Variants in BANK1 observed in about 807,000 individuals in gnomAD.
The protein encoded by BANK1 is B-cell scaffold protein with ankyrin repeats.
A neutral mutation model predicts 94.5 loss-of-function variants in BANK1; 95 were observed. The observed-to-expected ratio is 1.00, with a 90% confidence interval of 0.85 to 1.19. The LOEUF (loss-of-function observed/expected upper bound fraction) is 1.19, where lower values mean the gene tolerates loss of function less well. Ranked by LOEUF, BANK1 falls within the 50% of genes most tolerant of loss-of-function variation. BANK1 has a pLI of 0.00. For missense variants in BANK1, 987 were observed against 932.2 expected (o/e 1.06, Z -0.77); for synonymous variants, 334 against 308.4 (o/e 1.08, Z -0.87).
rs144548959 is a variant in BANK1 at position 101,908,742 on chromosome 4, C to T, written c.1010-9251C>T. Among the ~76,000 whole-genome samples the T allele has an allele frequency of 7.7e-3, 1,174 of 152,166 alleles. 12 individuals are homozygous for T. Among genetic ancestry groups the T allele is most frequent in the African/African-American group, 0.023 (936 of 41,492 alleles). On this transcript the variant is annotated intron_variant, in intron 6 of 16. Coordinates refer to ENST00000322953, the MANE Select transcript of BANK1 (RefSeq NM_017935.5). Reference sequence around the variant, plus strand: ...ACAAACAACCCCATCAAAAAGTGGGCGAAGGATATGAACAGATACTTCTCA... The same window carrying T: ...ACAAACAACCCCATCAAAAAGTGGGTGAAGGATATGAACAGATACTTCTCA...
At chr4:101,798,023 G>T (rs1414270815) in intron 1 of BANK1, among the ~76,000 whole-genome samples, 1 of 152,132 alleles carries the variant, frequency 6.6e-6, no homozygotes, top group East Asian at 1.9e-4. Context: ...GGAAAACGAA[G>T]ATACAGTGAG....
intron 5 of BANK1, among the ~76,000 whole-genome samples, chr4:101,884,506 C>T: frequency 6.6e-6 from 1 of 152,122 alleles, no homozygotes; most frequent in East Asian, 1.9e-4. Flanking sequence ...TTCTTAGACT[C>T]TCTTTATTCC....
intron 7 of BANK1, among the ~76,000 whole-genome samples, chr4:101,994,747 C>T (rs529017216): frequency 6.6e-5 from 10 of 152,206 alleles, no homozygotes; most frequent in South Asian, 4.2e-4. Context: ...CATGGTAGTA[C>T]ATTTCTTGTG....
At chr4:101,960,291 A>AT (rs2148918650) in intron 7 of BANK1, among the ~76,000 whole-genome samples, 1 of 152,260 alleles carries the variant, frequency 6.6e-6, no homozygotes, top group African/African-American at 2.4e-5. Context: ...TAAGGACCTT[A>AT]TTCTATACTC....
intron 11 of BANK1, among the ~76,000 whole-genome samples, chr4:102,045,807 G>A: frequency 6.6e-6 from 1 of 151,726 alleles, no homozygotes; most frequent in Admixed American, 6.6e-5. Context: ...ACAAACAAAT[G>A]GAAGAACATT....
intron 7 of BANK1, among the ~76,000 whole-genome samples, chr4:101,972,984 G>A (rs1427831249): frequency 6.6e-6 from 1 of 151,906 alleles, no homozygotes; most frequent in Non-Finnish European, 1.5e-5. Flanking sequence ...GATGTGGGTT[G>A]GGGAAAAGGG....
chr4:101,866,671 A>G (rs1365324430), intron 4 of BANK1, among the ~76,000 whole-genome samples: 1 of 49,568 alleles, frequency 2.0e-5, no homozygotes, highest in Non-Finnish European at 4.0e-5. Flanking sequence ...CTGGGTATAT[A>G]CCCAAAGGAC....
At chr4:102,019,897 T>C (rs1726832212) in intron 7 of BANK1, among the ~76,000 whole-genome samples, 1 of 152,168 alleles carries the variant, frequency 6.6e-6, no homozygotes, top group Non-Finnish European at 1.5e-5. Context: ...CAAATCAACC[T>C]AGACTTTTTT....
At chr4:101,977,353 G>C (rs1173567101) in intron 7 of BANK1, among the ~76,000 whole-genome samples, 2 of 152,178 alleles carry the variant, frequency 1.3e-5, no homozygotes, top group African/African-American at 4.8e-5. Context: ...GGAGGAGAGA[G>C]AAGTGTAGTC....
At chr4:102,003,320 C>A (rs1726139734) in intron 7 of BANK1, among the ~76,000 whole-genome samples, 1 of 152,150 alleles carries the variant, frequency 6.6e-6, no homozygotes, top group African/African-American at 2.4e-5. Flanking sequence ...GCAATTTGAG[C>A]AGGATTTAGC....
rs559346488 is a variant in BANK1, at chr4:101,796,237, G to GT, written c.70+5292dup. 2.6e-5 allele frequency among the ~76,000 whole-genome samples: 4 copies of GT among 152,108 alleles called. No homozygotes were observed. In the South Asian group the frequency reaches 8.3e-4, roughly 31 times the overall value. On this transcript the variant is annotated intron_variant, in intron 1 of 16. Coordinates refer to ENST00000322953, the MANE Select transcript of BANK1 (RefSeq NM_017935.5). Reference sequence around the variant, plus strand: ...TTCTAGTGACGGAGCAGCTGCACTTGTTTTTCTGATCTTATTTGCCCATGA... The same window carrying GT: ...TTCTAGTGACGGAGCAGCTGCACTTGTTTTTTCTGATCTTATTTGCCCATGA...
At chr4:102,018,652 A>C (rs1726792343) in intron 7 of BANK1, among the ~76,000 whole-genome samples, 1 of 152,206 alleles carries the variant, frequency 6.6e-6, no homozygotes, top group South Asian at 2.1e-4. Flanking sequence ...GAAATATTAC[A>C]TTAAGCATGT....
intron 7 of BANK1, among the ~76,000 whole-genome samples, chr4:101,984,336 A>G (rs554544386): frequency 6.6e-6 from 1 of 152,124 alleles, no homozygotes; most frequent in South Asian, 2.1e-4. Context: ...ATATGGTGGG[A>G]TTTTATGAAA....
rs369552940 is a variant in BANK1 at position 102,032,998 on chromosome 4, C to A, written c.1900+2733C>A. ...TTAGGAAGTAGGTAACCAGCTTTTT[C>A]ATTGGATGGCCCCAAAATATTATTT... is the stretch of plus-strand genomic sequence containing the variant. On this transcript the variant is annotated intron_variant, in intron 10 of 16. Transcript: ENST00000322953. Among the ~76,000 whole-genome samples the A allele has an allele frequency of 7.2e-5, 11 of 151,988 alleles. No homozygotes were observed. The East Asian group carries it at 9.6e-4, about 13-fold the overall frequency.
chr4:101,917,923 G>A, intron 6 of BANK1, 70 bp from the exon 7 acceptor site: 1 of 1,141,082 alleles, frequency 8.8e-7, no homozygotes, highest in Non-Finnish European at 1.3e-6. Context: ...GGAGCAGATT[G>A]TGTTAGACCT....
intron 5 of BANK1, among the ~76,000 whole-genome samples, chr4:101,883,361 A>G (rs1728743496): frequency 6.6e-6 from 1 of 152,206 alleles, no homozygotes; most frequent in Admixed American, 6.5e-5. Flanking sequence ...TTACTTAGCC[A>G]TTAATACAAC....
chr4:101,970,027 TA>T (rs1724900055), intron 7 of BANK1, among the ~76,000 whole-genome samples: 1 of 152,190 alleles, frequency 6.6e-6, no homozygotes, highest in African/African-American at 2.4e-5. Flanking sequence ...GCAAAGTCAG[TA>T]AGACAGTCTT....
intron 5 of BANK1, among the ~76,000 whole-genome samples, chr4:101,882,765 C>CA: frequency 6.6e-6 from 1 of 152,120 alleles, no homozygotes; most frequent in African/African-American, 2.4e-5. Flanking sequence ...AATTCTATGC[C>CA]AAAAAAATTC....
At chr4:101,859,513 T>C (rs1356823873) in intron 3 of BANK1, among the ~76,000 whole-genome samples, 1 of 152,174 alleles carries the variant, frequency 6.6e-6, no homozygotes, top group African/African-American at 2.4e-5. Flanking sequence ...TGCTCTGACC[T>C]AAATAAGGGA....
Sources: gnomAD v4.1 joint callset for allele counts (sites outside exome capture counted in the v4.1 genomes callset) on GRCh38, gnomAD v4.1.1 for gene constraint, MANE v1.5 for transcripts, NCBI Gene and HGNC (gene_info 2026-07-23, HGNC 2026-07-21) for gene names.